Variants in SPARCL1 observed in about 807,000 individuals in gnomAD.
SPARCL1 encodes the protein SPARC-like protein 1.
SPARCL1 carries 52 observed loss-of-function variants against 67.1 expected under a neutral mutation model. The ratio of observed to expected loss-of-function variants is 0.78; its 90% CI spans 0.62 to 0.98. The LOEUF (loss-of-function observed/expected upper bound fraction) is 0.98. SPARCL1 is among the 50% of genes least tolerant of loss of function. The probability of loss-of-function intolerance (pLI) is 0.00; values close to 1 mark genes in which losing one functional copy is unlikely to be tolerated. For synonymous variants in SPARCL1, 226 were observed against 267.8 expected (o/e 0.84, Z 1.52); for missense variants, 717 against 782.4 (o/e 0.92, Z 1.00).
At chr4:87,495,405 G>A (rs1272441018) in intron 2 of SPARCL1, among the ~76,000 whole-genome samples, 1 of 152,122 alleles carries the variant, frequency 6.6e-6, no homozygotes. Context: ...TTTGAGTTTT[G>A]AAATTATTTT....
intron 1 of SPARCL1, among the ~76,000 whole-genome samples, chr4:87,511,965 C>CTTTTTTT (rs1560827173): frequency 1.2e-5 from 1 of 82,030 alleles, no homozygotes; most frequent in African/African-American, 5.6e-5. Context: ...CTCTTTCTTT[C>CTTTTTTT]TCTTTTTTTT....
In SPARCL1 at chr4:87,478,034, T is replaced by G. The variant is rs1723651021; in HGVS notation, c.1966+1396A>C. 2.0e-5 allele frequency among the ~76,000 whole-genome samples: 3 copies of G among 152,216 alleles called. No individual in the cohort carries two copies. In the South Asian group the frequency reaches 6.2e-4, roughly 32 times the overall value. Reference sequence around the variant, plus strand: ...CCTCTTCCTCTCTAATTTCAAGGCATTCTACATATGCATGGGGGATATTTT... The same window carrying G: ...CCTCTTCCTCTCTAATTTCAAGGCAGTCTACATATGCATGGGGGATATTTT... On this transcript the variant is annotated intron_variant, in intron 10 of 10. Coordinates refer to ENST00000282470, the MANE Select transcript of SPARCL1 (RefSeq NM_004684.6).
chr4:87,493,433 G>A, intron 4 of SPARCL1, 149 bp downstream of exon 4: 1 of 645,578 alleles, frequency 1.5e-6, no homozygotes, highest in Non-Finnish European at 2.5e-6. Flanking sequence ...TAATGATAGA[G>A]ATAGACCTAA....
intron 5 of SPARCL1, among the ~76,000 whole-genome samples, chr4:87,491,354 G>T (rs1226223831): frequency 1.3e-5 from 2 of 152,176 alleles, no homozygotes; most frequent in Non-Finnish European, 2.9e-5. Flanking sequence ...AGTCTTTTCA[G>T]AAGCAAAAGG....
chr4:87,526,224 C>G (rs1726036105), intron 1 of SPARCL1, among the ~76,000 whole-genome samples: 1 of 152,200 alleles, frequency 6.6e-6, no homozygotes, highest in Non-Finnish European at 1.5e-5. Flanking sequence ...AGTGAAGTCT[C>G]ATAGTAATAA....
At chr4:87,520,969 A>C (rs531150930) in intron 1 of SPARCL1, among the ~76,000 whole-genome samples, 9 of 152,320 alleles carry the variant, frequency 5.9e-5, no homozygotes, top group Admixed American at 3.3e-4. Flanking sequence ...AAAACACAAA[A>C]ACATCATTCT....
At chr4:87,479,688 A>G in intron 9 of SPARCL1, 110 bp from the exon 10 acceptor site, 1 of 959,658 alleles carries the variant, frequency 1.0e-6, no homozygotes, top group Non-Finnish European at 1.6e-6. Context: ...TATATGTGAT[A>G]TAAATAGAAT....
At position 87,495,127 on chromosome 4, in the gene SPARCL1, T is replaced by C; in HGVS notation, c.55A>G (p.Thr19Ala). The stretch of plus-strand genomic sequence containing the variant: ...TGATCAGATAATAATCTTGCATTTG[T>C]CTGAAAAAATTAAAAACTGGTTTTT... ...CLLGTAAAIPTNARLLSDHSK... is the reference protein window; with the variant it reads ...CLLGTAAAIPANARLLSDHSK... The change falls in exon 3 of 11, where the codon ACA becomes GCA. Residue 19 changes from threonine to alanine, a missense_variant and splice_region_variant. By Grantham distance (58) the Thr-to-Ala change is moderately conservative. Transcript: ENST00000282470. 6.3e-7 allele frequency: 1 copy of C among 1,598,262 alleles called. No individual in the cohort carries two copies.
chr4:87,519,891 C>T lies in SPARCL1; in HGVS notation c.-12+9154G>A, dbSNP rs904337883. On this transcript the variant is annotated intron_variant, in intron 1 of 10. Coordinates refer to ENST00000282470, the MANE Select transcript of SPARCL1 (RefSeq NM_004684.6). ...CCAAGCAGTACTACAGTCTCACTAACCTCAAGCAAACAGGTTGGCTGAAAG... is the reference window on the plus strand; with the variant it reads ...CCAAGCAGTACTACAGTCTCACTAATCTCAAGCAAACAGGTTGGCTGAAAG... Among the ~76,000 whole-genome samples, 22 of 152,218 alleles carry T rather than the reference C, an allele frequency of 1.4e-4. 1 individual carries two copies. The highest frequency in any genetic ancestry group is 1.4e-3 in the Admixed American group (22 of 15,286).
chr4:87,490,186 CTGTT>C, intron 7 of SPARCL1, 83 bp downstream of exon 7: 1 of 1,365,992 alleles, frequency 7.3e-7, no homozygotes. Context: ...CAGCTTTTCC[CTGTT>C]TGCATATAGA....
intron 1 of SPARCL1, among the ~76,000 whole-genome samples, chr4:87,506,670 C>CCT (rs1177219989): frequency 6.6e-6 from 1 of 152,136 alleles, no homozygotes; most frequent in African/African-American, 2.4e-5. Flanking sequence ...CAGACTTGAA[C>CCT]GGGAACTATA....
In SPARCL1 at chr4:87,490,266, A is replaced by C; in HGVS notation, c.1531+7T>G. On this transcript the variant is annotated splice_region_variant and intron_variant, in intron 7 of 10. Transcript: ENST00000282470. ...GATGATGGTTGACAGGAGGGACATA[A>C]TCTTACATTTGCAGGCTCCAAAATA... 1 of 1,607,140 alleles carries C rather than the reference A, an allele frequency of 6.2e-7. No homozygotes were observed. Among genetic ancestry groups the C allele is most frequent in the Non-Finnish European group, 8.5e-7 (1 of 1,177,298 alleles).
rs751663034 is a variant in SPARCL1, at chr4:87,493,763, T to C, written c.1037A>G (p.Asp346Gly). Residue 346 changes from aspartate to glycine, a missense_variant, in exon 4 of 11, where the codon GAT becomes GGT. Asp to Gly is a moderately conservative substitution (Grantham distance 94). Transcript: ENST00000282470. ...GVDDDGDDDG[D>G]DGGTDGPRHS... ...CCTGGGGCCATCAGTGCCGCCATCA[T>C]CGCCATCATCATCGCCATCATCATC... 1 of 1,614,054 alleles carries C rather than the reference T, an allele frequency of 6.2e-7. No individual in the cohort carries two copies.
chr4:87,511,005 T>C (rs1026753607), intron 1 of SPARCL1, among the ~76,000 whole-genome samples: 1 of 152,184 alleles, frequency 6.6e-6, no homozygotes, highest in African/African-American at 2.4e-5. Context: ...AGTCATTCGC[T>C]TGCGCACTCC....
At chr4:87,505,927 T>C (rs1349579565) in intron 1 of SPARCL1, among the ~76,000 whole-genome samples, 2 of 152,142 alleles carry the variant, frequency 1.3e-5, no homozygotes, top group Non-Finnish European at 2.9e-5. Flanking sequence ...CAAAATAGTA[T>C]GGTTTAGTGA....
chr4:87,517,916 T>C (rs1450766509), intron 1 of SPARCL1, among the ~76,000 whole-genome samples: 2 of 152,208 alleles, frequency 1.3e-5, no homozygotes, highest in Non-Finnish European at 2.9e-5. Context: ...TGGTGTACTT[T>C]GATGAGCATT....
rs78973322 is a variant in SPARCL1 at position 87,500,904 on chromosome 4, C to T, written c.-11-1319G>A. On this transcript the variant is annotated intron_variant, in intron 1 of 10. Transcript: ENST00000282470. ...TAACATTCATGACAATGTAAATATT[C>T]TTCACAGCTGAACCAAGTAGTCATT... is the stretch of plus-strand genomic sequence containing the variant. 0.024 allele frequency among the ~76,000 whole-genome samples: 3,641 copies of T among 152,178 alleles called. 368 individuals carry two copies. In the East Asian group the frequency reaches 0.33, roughly 14 times the overall value.
chr4:87,528,622 T>C (rs1726150903), intron 1 of SPARCL1: 1 of 152,230 alleles, frequency 6.6e-6, no homozygotes, highest in Admixed American at 6.5e-5. Context: ...TAACTTTAGA[T>C]AATTTAAACA....
In SPARCL1 at chr4:87,494,356, G is replaced by A. The variant is rs1724520294; in HGVS notation, c.444C>T (p.Phe148=). 2 of 1,614,180 alleles carry A rather than the reference G, an allele frequency of 1.2e-6. No individual in the cohort carries two copies. The highest frequency in any genetic ancestry group is 2.7e-5 in the African/African-American group (2 of 75,036). The change falls in exon 4 of 11, where the codon TTC becomes TTT. Residue 148 remains phenylalanine (F), a synonymous_variant. Transcript: ENST00000282470. ...TACTTTCTTGTTGGTTAGAATCTGT[G>A]AAGGAACTAACACCAGGAGCCAAAA... ...TDFLAPGVSS[F]TDSNQQESIT... is the part of the protein sequence containing the mutation.
Sources: allele counts gnomAD v4.1 joint callset (sites outside exome capture counted in the v4.1 genomes callset), GRCh38; gene constraint gnomAD v4.1.1; transcripts MANE v1.5; gene names NCBI Gene and HGNC (gene_info 2026-07-23, HGNC 2026-07-21).